Variants in SLC36A2 observed in about 807,000 individuals in gnomAD.
SLC36A2 encodes proton-coupled amino acid transporter 2.
In SLC36A2, 39 loss-of-function variants were observed where a neutral mutation model predicts 42.7. The observed-to-expected ratio is 0.91, with a 90% confidence interval of 0.71 to 1.19. The LOEUF is 1.19. SLC36A2 is among the 50% of genes most tolerant of loss of function. The pLI, the probability that SLC36A2 is intolerant of heterozygous loss-of-function variation, is 0.00. For synonymous variants in SLC36A2, 237 were observed against 240.8 expected, an observed-to-expected ratio of 0.98 and a Z score of 0.15; for missense variants, 590 against 613.7, an observed-to-expected ratio of 0.96 and a Z score of 0.41.
At chr5:151,333,404 G>T in intron 6 of SLC36A2, 82 bp from the exon 7 acceptor site, 1 of 1,195,802 alleles carries the variant, frequency 8.4e-7, no homozygotes, top group Non-Finnish European at 1.2e-6. Flanking sequence ...TCTGAAATGA[G>T]ACCTGAATTT....
chr5:151,323,262 A>AATAC (rs1474063313), intron 8 of SLC36A2, among the ~76,000 whole-genome samples: 27 of 121,882 alleles, frequency 2.2e-4, no homozygotes, highest in African/African-American at 9.7e-4. Context: ...TAGATAAATA[A>AATAC]ATAAATAAAT....
chr5:151,342,865 C>T (rs1367796522), intron 4 of SLC36A2, 23 bp downstream of exon 4: 2 of 1,606,210 alleles, frequency 1.2e-6, no homozygotes, highest in South Asian at 2.2e-5. Context: ...TACCCCACTG[C>T]AGGCAAAGCA....
intron 1 of SLC36A2, among the ~76,000 whole-genome samples, chr5:151,346,027 G>A (rs554857308): frequency 5.9e-5 from 9 of 152,322 alleles, no homozygotes; most frequent in South Asian, 2.1e-4. Context: ...CAACCCCATC[G>A]TTGCCACGCT....
intron 1 of SLC36A2, among the ~76,000 whole-genome samples, chr5:151,345,303 G>A (rs1463988383): frequency 6.6e-6 from 1 of 152,156 alleles, no homozygotes; most frequent in Admixed American, 6.5e-5. Context: ...AAAGGAGCCC[G>A]GTCTCTGGGA....
intron 5 of SLC36A2, among the ~76,000 whole-genome samples, chr5:151,336,599 A>T (rs1756163431): frequency 1.3e-5 from 2 of 151,656 alleles, no homozygotes; most frequent in South Asian, 2.1e-4. Context: ...TGTGGATTGG[A>T]CCATTCATTG....
intron 2 of SLC36A2, among the ~76,000 whole-genome samples, chr5:151,343,975 G>T (rs954353973): frequency 2.6e-5 from 4 of 152,114 alleles, no homozygotes; most frequent in African/African-American, 9.7e-5. Context: ...GGCCCATAGA[G>T]CAGGCAAATG....
chr5:151,341,601 CT>C (rs991975905), intron 4 of SLC36A2, among the ~76,000 whole-genome samples: 5 of 152,150 alleles, frequency 3.3e-5, no homozygotes, highest in African/African-American at 4.8e-5. Flanking sequence ...TCTGTCACCC[CT>C]GAGAGCTAAA....
In SLC36A2 at chr5:151,316,804, A is replaced by G. The variant is rs759409962; in HGVS notation, c.*13T>C. 1.2e-5 allele frequency: 20 copies of G among 1,608,172 alleles called. No individual in the cohort carries two copies. Among genetic ancestry groups the G allele is most frequent in the Middle Eastern group, 1.7e-4 (1 of 6,038 alleles). On this transcript the variant is annotated 3_prime_UTR_variant, in exon 10 of 10. Coordinates refer to ENST00000335244, the MANE Select transcript of SLC36A2 (RefSeq NM_181776.3). ...AAAAGTCGGGTGCTGGTAGGCAAGG[A>G]GCAGTGCCAGGCTCACCGAACAAAA...
chr5:151,339,035 TC>T (rs1302538085), intron 5 of SLC36A2, 24 bp downstream of exon 5: 2 of 1,564,300 alleles, frequency 1.3e-6, no homozygotes, highest in East Asian at 2.3e-5. Context: ...TCTTTTCCCC[TC>T]CCGTTTTCTC....
At position 151,335,440 on chromosome 5, in the gene SLC36A2, G is replaced by A. The variant is rs538402863; in HGVS notation, c.633C>T (p.Phe211=). 5.0e-6 allele frequency: 8 copies of A among 1,614,088 alleles called. No individual in the cohort carries two copies. Among genetic ancestry groups the A allele is most frequent in the Non-Finnish European group, 6.8e-6 (8 of 1,180,030 alleles). The stretch of plus-strand genomic sequence containing the variant: ...TCCGGATGAGGACCAGCAGCACCAG[G>A]AAGGGCAGGAAGGAGAGCATGTAGA... The part of the protein sequence containing the change: ...SRLYMLSFLP[F]LVLLVLIRNL... Residue 211 remains phenylalanine (F), a synonymous_variant, in exon 6 of 10, where the codon TTC becomes TTT. Coordinates refer to ENST00000335244, the MANE Select transcript of SLC36A2 (RefSeq NM_181776.3).
Position 151,322,202 on chromosome 5 carries a change from C to A in SLC36A2, c.1024G>T (p.Val342Phe), listed in dbSNP as rs762966241. ...NLPNCWLYQS[V>F]KLLYIAGILC... ...ATGCCGGCAATGTAGAGAAGCTTGA[C>A]AGACTGGTACAGCCTGCAAGACAAA... Residue 342 changes from valine to phenylalanine, a missense_variant, in exon 9 of 10, where the codon GTC becomes TTC. Transcript: ENST00000335244. The A allele has an allele frequency of 8.1e-6, 13 of 1,614,118 alleles. No individual in the cohort carries two copies. The East Asian group carries it at 2.7e-4, about 33-fold the overall frequency.
At position 151,347,367 on chromosome 5, in the gene SLC36A2, TCTC is replaced by T. The variant is rs776163682; in HGVS notation, c.91_93del (p.Glu31del). On this transcript the variant is annotated inframe_deletion, in exon 1 of 10. Transcript: ENST00000335244. The stretch of plus-strand genomic sequence containing the variant: ...TCATCCAAGAATGTAGAGTCCTTGT[TCTC>T]CAACTTCTTGGCACTTTCAGGAGGC... The T allele has an allele frequency of 4.3e-6, 7 of 1,614,232 alleles. No individual in the cohort carries two copies. In the East Asian group the frequency reaches 1.1e-4, roughly 26 times the overall value.
chr5:151,330,422 G>T (rs1755965254), intron 7 of SLC36A2, among the ~76,000 whole-genome samples: 1 of 152,158 alleles, frequency 6.6e-6, no homozygotes, highest in South Asian at 2.1e-4. Flanking sequence ...GAAAAAAATT[G>T]TCCACCTAGA....
chr5:151,318,505 ATAAAT>A (rs1171721959), intron 9 of SLC36A2, among the ~76,000 whole-genome samples: 1 of 109,930 alleles, frequency 9.1e-6, no homozygotes, highest in African/African-American at 5.3e-5. Flanking sequence ...TATAATAAAA[ATAAAT>A]AATAAATAAA....
At chr5:151,317,144 A>C (rs1755524036) in intron 9 of SLC36A2, 56 bp from the exon 10 acceptor site, 25 of 1,593,886 alleles carry the variant, frequency 1.6e-5, no homozygotes, top group Non-Finnish European at 2.1e-5. Context: ...CAAGCTTTGA[A>C]AGTTTGTTCT....
chr5:151,327,944 G>A (rs1376949695), intron 7 of SLC36A2, among the ~76,000 whole-genome samples: 1 of 152,116 alleles, frequency 6.6e-6, no homozygotes, highest in Non-Finnish European at 1.5e-5. Flanking sequence ...TTGGAGACTG[G>A]GCTAGCAGAG....
chr5:151,333,344 T>C (rs372096226), intron 6 of SLC36A2, 22 bp from the exon 7 acceptor site: 4 of 1,597,938 alleles, frequency 2.5e-6, no homozygotes, highest in East Asian at 4.5e-5. Flanking sequence ...AGAAATGCTA[T>C]GAGACAGTCA....
chr5:151,327,056 C>T (rs1755874263), intron 7 of SLC36A2, among the ~76,000 whole-genome samples: 1 of 152,136 alleles, frequency 6.6e-6, no homozygotes, highest in Admixed American at 6.5e-5. Context: ...CTCAAGCGAT[C>T]CTCCCACATC....
At chr5:151,328,006 G>A (rs1755898422) in intron 7 of SLC36A2, among the ~76,000 whole-genome samples, 1 of 152,088 alleles carries the variant, frequency 6.6e-6, no homozygotes, top group African/African-American at 2.4e-5. Flanking sequence ...CACATAATAG[G>A]CATTCAAGAA....
Sources: gnomAD v4.1 joint callset for allele counts (sites outside exome capture counted in the v4.1 genomes callset) on GRCh38, gnomAD v4.1.1 for gene constraint, MANE v1.5 for transcripts, NCBI Gene and HGNC (gene_info 2026-07-23, HGNC 2026-07-21) for gene names.